NPC1: variants seen among roughly 807,000 people sequenced by gnomAD.
NPC1 encodes the protein Niemann-Pick C1 protein.
Under a neutral mutation model 140.4 loss-of-function variants are expected in NPC1, and 85 were observed. The ratio of observed to expected loss-of-function variants is 0.61; its 90% confidence interval spans 0.51 to 0.72. The LOEUF (loss-of-function observed/expected upper bound fraction) is 0.72, where lower values mean the gene tolerates loss of function less well. Ranked by LOEUF, NPC1 falls within the 30% of genes least tolerant of loss-of-function variation. The probability of loss-of-function intolerance (pLI) is 0.00; values close to 1 mark genes in which losing one functional copy is unlikely to be tolerated. For synonymous variants in NPC1, 656 were observed against 624.8 expected, an observed-to-expected ratio of 1.05 and a Z score of -0.74; for missense variants, 1,504 against 1,623.8, an observed-to-expected ratio of 0.93 and a Z score of 1.27.
intron 10 of NPC1, 67 bp downstream of exon 10, chr18:23,551,560 C>A: frequency 8.5e-7 from 1 of 1,181,766 alleles, no homozygotes; most frequent in Non-Finnish European, 1.3e-6. Flanking sequence ...ATAATTACCA[C>A]TTGATGCTAA....
chr18:23,532,693 CTCT>C (rs1015078139), intron 24 of NPC1, among the ~76,000 whole-genome samples: 27 of 70,742 alleles, frequency 3.8e-4, no homozygotes, highest in Non-Finnish European at 4.8e-4. Context: ...AAGTGCTCAT[CTCT>C]TTTTTTTTTT....
intron 3 of NPC1, among the ~76,000 whole-genome samples, chr18:23,513,701 C>G (rs952221142): frequency 2.6e-5 from 4 of 152,178 alleles, no homozygotes; most frequent in Admixed American, 2.0e-4. Context: ...CTCACCAACA[C>G]TTGCTGTTTT....
intron 9 of NPC1, among the ~76,000 whole-genome samples, 167 bp downstream of exon 9, chr18:23,554,590 AG>A (rs1463056518): frequency 3.5e-4 from 50 of 143,798 alleles, no homozygotes; most frequent in African/African-American, 1.2e-3. Context: ...TGGGCGACAG[AG>A]CGAGACCCTG....
At position 23,516,342 on chromosome 18, in the gene NPC1, C is replaced by T. The variant is rs143371359; in HGVS notation, c.432-9700G>A. 126 of 1,614,180 alleles carry T rather than the reference C, an allele frequency of 7.8e-5. No individual in the cohort carries two copies. The African/African-American group carries it at 1.6e-3, about 20-fold the overall frequency. On this transcript the variant is annotated intron_variant, in intron 3 of 3. Coordinates refer to the NPC1 transcript ENST00000591107. ...CAGGCTGGCACTATGTCGAAGCTGCCCAAATTTGAGATTGAATTACCAGCT... is the reference window on the plus strand; with the variant it reads ...CAGGCTGGCACTATGTCGAAGCTGCTCAAATTTGAGATTGAATTACCAGCT...
downstream of NPC1, among the ~76,000 whole-genome samples, chr18:23,527,126 A>G (rs2058321086): frequency 6.7e-6 from 1 of 150,132 alleles, no homozygotes; most frequent in East Asian, 2.0e-4. Flanking sequence ...GCTCATGCTT[A>G]TAATCCCAGC....
chr18:23,541,524 G>C, intron 14 of NPC1, 91 bp from the exon 15 acceptor site: 9 of 1,563,708 alleles, frequency 5.8e-6, no homozygotes, highest in Non-Finnish European at 7.9e-6. Flanking sequence ...CAGATACAAG[G>C]AGCCAGCACA....
In NPC1 at chr18:23,556,287, C is replaced by G; in HGVS notation, c.1282G>C (p.Asp428His). ...HIYQPYPSGA[D>H]VPFGPPLDIQ... Reference sequence around the variant, plus strand: ...TCAAGCGGAGGTCCAAAGGGTACATCAGCTCCCGAAGGGTATGGCTGGTAA... The same window carrying G: ...TCAAGCGGAGGTCCAAAGGGTACATGAGCTCCCGAAGGGTATGGCTGGTAA... Residue 428 changes from aspartate to histidine, a missense_variant, in exon 8 of 25, where the codon GAT becomes CAT. Coordinates refer to ENST00000269228, the MANE Select transcript of NPC1 (RefSeq NM_000271.5). 2 of 1,614,134 alleles carry G rather than the reference C, an allele frequency of 1.2e-6. No individual in the cohort carries two copies. The highest frequency in any genetic ancestry group is 1.7e-6 in the Non-Finnish European group (2 of 1,180,020).
chr18:23,510,646 C>CAA lies in NPC1; in HGVS notation c.432-4006_432-4005dup, dbSNP rs1209479609. On this transcript the variant is annotated intron_variant, in intron 3 of 3. Transcript: ENST00000591107. ...TGGGCAACAGAGCGAGACTCCGTCT[C>CAA]AAAAAAAAAAAAGTGGGCAAAGGAC... Among the ~76,000 whole-genome samples, 37 of 130,148 alleles carry CAA rather than the reference C, an allele frequency of 2.8e-4. 1 individual carries two copies. Among genetic ancestry groups the CAA allele is most frequent in the African/African-American group, 9.7e-4 (34 of 35,048 alleles). The allele number at this position is 130,148 out of a possible 152,430, so 85.4% of individuals were successfully genotyped here.
At chr18:23,542,262 T>C (rs930986513) in intron 14 of NPC1, among the ~76,000 whole-genome samples, 3 of 151,852 alleles carry the variant, frequency 2.0e-5, no homozygotes, top group Non-Finnish European at 2.9e-5. Context: ...TTTTCTTTTT[T>C]TTTTTTTTTT....
At chr18:23,543,366 C>T (rs1448591953) in intron 14 of NPC1, 89 bp downstream of exon 14, 1 of 693,682 alleles carries the variant, frequency 1.4e-6, no homozygotes. Flanking sequence ...AAAAAGGAAG[C>T]AACACAAAGG....
chr18:23,518,116 G>C (rs1336372381), downstream of NPC1, among the ~76,000 whole-genome samples: 16 of 152,208 alleles, frequency 1.1e-4, no homozygotes, highest in Admixed American at 1.0e-3. Context: ...CTTGTCCCTG[G>C]GCAGGCCCAG....
intron 5 of NPC1, among the ~76,000 whole-genome samples, chr18:23,560,812 T>A (rs1215427885): frequency 1.3e-5 from 2 of 152,132 alleles, no homozygotes; most frequent in African/African-American, 4.8e-5. Context: ...TCCCACCCCC[T>A]TTTTAACTGC....
At chr18:23,571,049 C>T (rs2059194794) in intron 3 of NPC1, among the ~76,000 whole-genome samples, 1 of 152,184 alleles carries the variant, frequency 6.6e-6, no homozygotes. Context: ...CAGTGCACAG[C>T]TCAAGTTTGA....
intron 3 of NPC1, chr18:23,507,920 C>A: frequency 6.8e-7 from 1 of 1,460,220 alleles, no homozygotes; most frequent in South Asian, 1.3e-5. Flanking sequence ...TGTAGTATGC[C>A]AACGTAGGTT....
At chr18:23,583,451 G>GA (rs2059380428) in intron 1 of NPC1, among the ~76,000 whole-genome samples, 1 of 152,170 alleles carries the variant, frequency 6.6e-6, no homozygotes, top group African/African-American at 2.4e-5. Context: ...AACAGGACAA[G>GA]AATGTCGTAG....
chr18:23,583,257 G>A (rs1288344094), intron 1 of NPC1, among the ~76,000 whole-genome samples: 1 of 152,172 alleles, frequency 6.6e-6, no homozygotes, highest in Non-Finnish European at 1.5e-5. Flanking sequence ...AGTTGGCACA[G>A]TTAATCCAAT....
intron 16 of NPC1, 135 bp downstream of exon 16, chr18:23,540,933 A>ATTTGCT (rs1239051857): frequency 9.9e-7 from 1 of 1,006,266 alleles, no homozygotes; most frequent in Non-Finnish European, 1.6e-6. Flanking sequence ...ACTGTTCCAC[A>ATTTGCT]TTTGCTTTTG....
downstream of NPC1, chr18:23,529,329 T>G: frequency 1.3e-6 from 2 of 1,592,630 alleles, no homozygotes; most frequent in South Asian, 1.1e-5. Flanking sequence ...TCTTCTGGAC[T>G]GAGAATGCTC....
At chr18:23,553,588 C>T (rs529411120) in intron 9 of NPC1, among the ~76,000 whole-genome samples, 1 of 152,062 alleles carries the variant, frequency 6.6e-6, no homozygotes, top group African/African-American at 2.4e-5. Flanking sequence ...TCCTTAAAGG[C>T]AAAAAGGAAT....
Sources: gnomAD v4.1 joint callset for allele counts (sites outside exome capture counted in the v4.1 genomes callset) on GRCh38, gnomAD v4.1.1 for gene constraint, MANE v1.5 for transcripts, NCBI Gene and HGNC (gene_info 2026-07-23, HGNC 2026-07-21) for gene names.